Variants in RAET1L observed in about 807,000 individuals in gnomAD.
RAET1L encodes the protein UL16-binding protein 6.
RAET1L carries 16 observed loss-of-function variants against 23.9 expected under a neutral mutation model. The ratio of observed to expected loss-of-function variants is 0.67; its 90% CI spans 0.45 to 1.02. The LOEUF is 1.02. RAET1L is among the 50% of genes least tolerant of loss of function. The probability of loss-of-function intolerance (pLI) is 0.00; values close to 1 mark genes in which losing one functional copy is unlikely to be tolerated. For missense variants in RAET1L, 233 were observed against 304.0 expected (o/e 0.77, Z 1.74); for synonymous variants, 70 against 111.2 (o/e 0.63, Z 2.33).
At position 150,021,080 on chromosome 6, in the gene RAET1L, G is replaced by A; in HGVS notation, c.456C>T (p.Asp152=). 6.2e-7 allele frequency: 1 copy of A among 1,614,148 alleles called. No homozygotes were observed. Residue 152 remains aspartate (D), a synonymous_variant, in exon 3 of 5, where the codon GAC becomes GAT. Coordinates refer to ENST00000367341, the MANE Select transcript of RAET1L (RefSeq NM_130900.3). ...SIDGQTFLLF[D]SEKRMWTTVH... ...CCGTTGTCCACATTCTCTTCTCTGAGTCAAAGAGTAGGAAGGTCTGTCCAT... is the reference window on the plus strand; with the variant it reads ...CCGTTGTCCACATTCTCTTCTCTGAATCAAAGAGTAGGAAGGTCTGTCCAT...
Position 150,018,837 on chromosome 6 carries a change from T to C in RAET1L, c.*41A>G. 1 of 339,794 alleles carries C rather than the reference T, an allele frequency of 2.9e-6. No individual in the cohort carries two copies. The highest frequency in any genetic ancestry group is 2.3e-5 in the South Asian group (1 of 42,984). 21.0% of individuals were successfully genotyped at this position (339,794 alleles called of 1,614,324 possible). A position where few individuals can be genotyped will look rare whatever the true frequency, so the allele number is the denominator to read the frequency against. ...GATCAAGACCGTGCTCACAGGGGCT[T>C]TTTGGTATCATCTTTAACCTTCAGA... is the stretch of plus-strand genomic sequence containing the variant. On this transcript the variant is annotated 3_prime_UTR_variant, in exon 5 of 5. Transcript: ENST00000367341.
chr6:150,020,252 C>T lies in RAET1L; in HGVS notation c.632-13G>A, dbSNP rs1230830591. ...ATGGCGAGTGGTGCTGAAATGGAAA[C>T]ACAAAAGTGACAACCCTTGTCCAGG... On this transcript the variant is annotated splice_polypyrimidine_tract_variant and intron_variant, in intron 3 of 4. Transcript: ENST00000367341. The T allele has an allele frequency of 7.0e-7, 1 of 1,435,040 alleles. No homozygotes were observed. The highest frequency in any genetic ancestry group is 2.1e-5 in the Admixed American group (1 of 47,316). 88.9% of individuals were successfully genotyped at this position (1,435,040 alleles called of 1,614,324 possible). A position where few individuals can be genotyped will look rare whatever the true frequency, so the allele number is the denominator to read the frequency against.
At position 150,021,275 on chromosome 6, in the gene RAET1L, T is replaced by C. The variant is rs569154198; in HGVS notation, c.350-89A>G. On this transcript the variant is annotated intron_variant, in intron 2 of 4. Transcript: ENST00000367341. Reference sequence around the variant, plus strand: ...CTTACAATTTGCTGGCCTTACTCTCTCTGCTACATCTTGGCCTTGCCTCTA... The same window carrying C: ...CTTACAATTTGCTGGCCTTACTCTCCCTGCTACATCTTGGCCTTGCCTCTA... 5.6e-5 allele frequency: 80 copies of C among 1,437,516 alleles called. No homozygotes were observed. The African/African-American group carries it at 5.8e-4, about 10-fold the overall frequency. The allele number at this position is 1,437,516 out of a possible 1,614,324, so 89.0% of individuals were successfully genotyped here. A position where few individuals can be genotyped will look rare whatever the true frequency, so the allele number is the denominator to read the frequency against.
chr6:150,018,886 A>T, intron 4 of RAET1L, 31 bp from the exon 5 acceptor site: 1 of 316,532 alleles, frequency 3.2e-6, no homozygotes, highest in Admixed American at 4.0e-5. Flanking sequence ...TTGGTTTAAG[A>T]GGCAGAGAAC....
At chr6:150,025,250 G>T in intron 1 of RAET1L, 137 bp downstream of exon 1, 2 of 672,526 alleles carry the variant, frequency 3.0e-6, no homozygotes, top group Non-Finnish European at 5.0e-6. Flanking sequence ...GAGCCCAGGA[G>T]GGGAACTGAG....
chr6:150,025,030 C>T (rs1779930789), intron 1 of RAET1L, among the ~76,000 whole-genome samples: 1 of 152,094 alleles, frequency 6.6e-6, no homozygotes, highest in African/African-American at 2.4e-5. Flanking sequence ...CCCCTTCACC[C>T]AGTCCTGACC....
Position 150,022,037 on chromosome 6 carries a change from C to A in RAET1L, c.292G>T (p.Val98Leu). 2 of 1,411,274 alleles carry A rather than the reference C, an allele frequency of 1.4e-6. 1 individual carries two copies. Among genetic ancestry groups the A allele is most frequent in the Non-Finnish European group, 2.0e-6 (2 of 1,004,134 alleles). 87.4% of individuals were successfully genotyped at this position (1,411,274 alleles called of 1,614,324 possible). Residue 98 changes from valine (V) to leucine (L), a missense_variant, in exon 2 of 5, where the codon GTG becomes TTG. Val to Leu is a conservative substitution (Grantham distance 32, BLOSUM62 1). Around this residue, in one of 4 missense-constraint regions of RAET1L, gnomAD observed 44 missense variants for 107.4 expected, o/e 0.41. Transcript: ENST00000367341. ...KAQNPVLREV[V>L]DILTEQLLDI... ...AGCAGTTGCTCTGTAAGTATGTCCACCACCTCTCTCAGTACTGGGTTCTGT... is the reference window on the plus strand; with the variant it reads ...AGCAGTTGCTCTGTAAGTATGTCCAACACCTCTCTCAGTACTGGGTTCTGT...
chr6:150,025,356 C>T (rs544284619), intron 1 of RAET1L, 31 bp downstream of exon 1: 6 of 1,597,756 alleles, frequency 3.8e-6, no homozygotes, highest in Admixed American at 1.7e-5. Flanking sequence ...GTTTGGCCCC[C>T]GCCCCGCTTA....
intron 1 of RAET1L, among the ~76,000 whole-genome samples, chr6:150,023,784 G>A (rs1355678849): frequency 2.0e-5 from 3 of 152,248 alleles, no homozygotes; most frequent in African/African-American, 7.2e-5. Context: ...CAAGGAAATC[G>A]CAACATTAAG....
At chr6:150,025,082 A>C (rs1415507418) in intron 1 of RAET1L, among the ~76,000 whole-genome samples, 1 of 152,094 alleles carries the variant, frequency 6.6e-6, no homozygotes, top group Non-Finnish European at 1.5e-5. Context: ...TCCTTCCGAA[A>C]GGCGGGTGGG....
At chr6:150,018,968 A>G (rs749144012) in intron 4 of RAET1L, 113 bp from the exon 5 acceptor site, 42 of 190,718 alleles carry the variant, frequency 2.2e-4, no homozygotes, top group Non-Finnish European at 3.6e-4. Flanking sequence ...TAAGGGACCT[A>G]TTTTTCCCTT....
At chr6:150,024,029 C>T (rs551808872) in intron 1 of RAET1L, among the ~76,000 whole-genome samples, 11 of 152,216 alleles carry the variant, frequency 7.2e-5, no homozygotes, top group Middle Eastern at 3.4e-3. Context: ...GCAGGGCCAC[C>T]GGGAACCAAG....
chr6:150,023,411 A>T (rs1779910005), intron 1 of RAET1L, among the ~76,000 whole-genome samples: 1 of 151,698 alleles, frequency 6.6e-6, no homozygotes, highest in South Asian at 2.1e-4. Flanking sequence ...ACCCATGACT[A>T]TAAGAAGACA....
At chr6:150,019,091 G>A (rs1006372305) in intron 4 of RAET1L, among the ~76,000 whole-genome samples, 1 of 152,168 alleles carries the variant, frequency 6.6e-6, no homozygotes, top group Non-Finnish European at 1.5e-5. Context: ...GGGGCCCACA[G>A]GTCTGAAGCT....
chr6:150,023,681 A>G (rs948683741), intron 1 of RAET1L, among the ~76,000 whole-genome samples: 9 of 152,140 alleles, frequency 5.9e-5, no homozygotes, highest in African/African-American at 2.2e-4. Flanking sequence ...ACCCCCTAAG[A>G]TCCTAGAGGT....
At chr6:150,019,407 C>T (rs1219735100) in intron 4 of RAET1L, among the ~76,000 whole-genome samples, 1 of 152,208 alleles carries the variant, frequency 6.6e-6, no homozygotes, top group Non-Finnish European at 1.5e-5. Context: ...TCTGAGTCCA[C>T]TCTGCTCCTG....
At position 150,020,962 on chromosome 6, in the gene RAET1L, C is replaced by T. The variant is rs201443919; in HGVS notation, c.574G>A (p.Gly192Arg). 2 of 1,614,098 alleles carry T rather than the reference C, an allele frequency of 1.2e-6. No homozygotes were observed. The highest frequency in any genetic ancestry group is 1.7e-6 in the Non-Finnish European group (2 of 1,180,050). ...CCCATCAAGAAGTCCTCAAGCCATC[C>T]TATGCAGTCTCCCATTGAGATGTAA... ...FHYISMGDCI[G>R]WLEDFLMGMD... Residue 192 changes from glycine to arginine, a missense_variant, in exon 3 of 5, where the codon GGA becomes AGA. By Grantham distance (125) the Gly-to-Arg change is moderately radical. Around this residue, in one of 4 missense-constraint regions of RAET1L, gnomAD observed 139 missense variants for 125.3 expected, o/e 1.11. Coordinates refer to ENST00000367341, the MANE Select transcript of RAET1L (RefSeq NM_130900.3).
intron 2 of RAET1L, among the ~76,000 whole-genome samples, 172 bp from the exon 3 acceptor site, chr6:150,021,358 AGGGTC>A: frequency 6.9e-6 from 1 of 145,760 alleles, no homozygotes; most frequent in African/African-American, 2.6e-5. Flanking sequence ...TTTTTGAGAA[AGGGTC>A]TCGCTCTGTC....
rs1167327195 is a variant in RAET1L, at chr6:150,018,531, CA to C, written c.*346del. 2.6e-5 allele frequency: 4 copies of C among 152,156 alleles called. No homozygotes were observed. Among genetic ancestry groups the C allele is most frequent in the Non-Finnish European group, 4.4e-5 (3 of 68,078 alleles). The allele number at this position is 152,156 out of a possible 1,614,324, so 9.4% of individuals were successfully genotyped here. On this transcript the variant is annotated 3_prime_UTR_variant, in exon 5 of 5. Coordinates refer to ENST00000367341, the MANE Select transcript of RAET1L (RefSeq NM_130900.3). ...CATGTCAGTAATGAAAGAAAGAAATCATCATTCAAAGAAGTACTTGATTTTC... is the reference window on the plus strand; with the variant it reads ...CATGTCAGTAATGAAAGAAAGAAATCTCATTCAAAGAAGTACTTGATTTTC...
Sources: allele counts gnomAD v4.1 joint callset (sites outside exome capture counted in the v4.1 genomes callset), GRCh38; gene constraint gnomAD v4.1.1; regional missense constraint gnomAD v4.1.1; transcripts MANE v1.5; gene names NCBI Gene and HGNC (gene_info 2026-07-23, HGNC 2026-07-21).